The following ZDHHC2 variants were observed in gnomAD, a reference collection of about 807,000 sequenced individuals.
The protein encoded by ZDHHC2 is zDHHC palmitoyltransferase 2, also known as palmitoyltransferase ZDHHC2.
In ZDHHC2, 51 loss-of-function variants were observed where a neutral mutation model predicts 55.6. The observed-to-expected ratio is 0.92, with a 90% CI of 0.73 to 1.16. The LOEUF (loss-of-function observed/expected upper bound fraction) is 1.16. ZDHHC2 is among the 50% of genes most tolerant of loss of function. The pLI is 0.00. For synonymous variants in ZDHHC2, 199 were observed against 152.9 expected (o/e 1.30, Z -2.22); for missense variants, 491 against 442.4 (o/e 1.11, Z -0.99).
chr8:17,164,979 A>G (rs191687119), intron 1 of ZDHHC2, among the ~76,000 whole-genome samples: 207 of 152,318 alleles, frequency 1.4e-3, no homozygotes, highest in African/African-American at 4.8e-3. Context: ...AGTCCTCTCA[A>G]AGAGCTGAAT....
At chr8:17,178,925 C>G (rs1805292131) in intron 1 of ZDHHC2, among the ~76,000 whole-genome samples, 1 of 152,070 alleles carries the variant, frequency 6.6e-6, no homozygotes, top group African/African-American at 2.4e-5. Flanking sequence ...TTAGTTCAGC[C>G]TTTTTATATG....
intron 3 of ZDHHC2, among the ~76,000 whole-genome samples, chr8:17,189,090 TC>T (rs1305989263): frequency 2.7e-5 from 4 of 149,530 alleles, no homozygotes; most frequent in Non-Finnish European, 5.9e-5. Flanking sequence ...TTAACAGGTT[TC>T]TTTTTGTTGG....
At chr8:17,165,747 G>A (rs1446090642) in intron 1 of ZDHHC2, among the ~76,000 whole-genome samples, 4 of 152,190 alleles carry the variant, frequency 2.6e-5, no homozygotes, top group African/African-American at 9.7e-5. Flanking sequence ...AAAAAGTAGG[G>A]CAAGAAGGAC....
intron 7 of ZDHHC2, 44 bp from the exon 8 acceptor site, chr8:17,207,916 A>G (rs1391661887): frequency 7.2e-7 from 1 of 1,382,806 alleles, no homozygotes; most frequent in East Asian, 2.7e-5. Context: ...AGGGGAATAC[A>G]TATCCCTTTG....
chr8:17,217,217 T>C lies in ZDHHC2; in HGVS notation c.*5T>C. On this transcript the variant is annotated 3_prime_UTR_variant, in exon 12 of 13. Transcript: ENST00000262096. ...ACCATGGAAAATGAGACTTAACTCTTCAAGCAAGATAAATTCATACTTTAT... is the reference window on the plus strand; with the variant it reads ...ACCATGGAAAATGAGACTTAACTCTCCAAGCAAGATAAATTCATACTTTAT... 1.5e-5 allele frequency: 24 copies of C among 1,609,830 alleles called. No individual in the cohort carries two copies. Among genetic ancestry groups the C allele is most frequent in the Non-Finnish European group, 2.0e-5 (24 of 1,177,676 alleles).
At chr8:17,211,415 A>G (rs1055388366) in intron 10 of ZDHHC2, among the ~76,000 whole-genome samples, 39 of 152,174 alleles carry the variant, frequency 2.6e-4, no homozygotes, top group African/African-American at 9.4e-4. Flanking sequence ...GCCTGGAGTG[A>G]CCCCATAAAC....
intron 3 of ZDHHC2, among the ~76,000 whole-genome samples, chr8:17,189,487 T>C (rs1296464935): frequency 6.6e-6 from 1 of 152,212 alleles, no homozygotes; most frequent in Non-Finnish European, 1.5e-5. Context: ...GTGTCTGACC[T>C]ATAGAAGGTA....
At chr8:17,195,214 C>G (rs1210970495) in intron 3 of ZDHHC2, among the ~76,000 whole-genome samples, 1 of 152,104 alleles carries the variant, frequency 6.6e-6, no homozygotes, top group East Asian at 1.9e-4. Flanking sequence ...TGTTGGAACT[C>G]TACGGTTTAT....
chr8:17,200,173 C>T (rs1053066010), intron 6 of ZDHHC2, among the ~76,000 whole-genome samples: 9 of 152,150 alleles, frequency 5.9e-5, no homozygotes, highest in African/African-American at 2.2e-4. Context: ...GAACATCTCC[C>T]GTACCTGCTG....
intron 12 of ZDHHC2, among the ~76,000 whole-genome samples, 187 bp downstream of exon 12, chr8:17,217,433 G>A (rs1807701879): frequency 6.6e-6 from 1 of 151,976 alleles, no homozygotes; most frequent in South Asian, 2.1e-4. Context: ...AGTATTAGCT[G>A]GTATTTGTGT....
chr8:17,184,000 A>G (rs768349466), intron 1 of ZDHHC2, among the ~76,000 whole-genome samples: 2 of 152,156 alleles, frequency 1.3e-5, no homozygotes, highest in Admixed American at 6.5e-5. Flanking sequence ...GCCCTTTTGA[A>G]AAGCTGAATA....
chr8:17,168,653 T>C (rs1363283447), intron 1 of ZDHHC2, among the ~76,000 whole-genome samples: 21 of 152,132 alleles, frequency 1.4e-4, no homozygotes, highest in Admixed American at 1.4e-3. Flanking sequence ...ACCCTCATTC[T>C]TCCCTCCCCC....
At chr8:17,162,060 C>A (rs1804372936) in intron 1 of ZDHHC2, among the ~76,000 whole-genome samples, 1 of 152,052 alleles carries the variant, frequency 6.6e-6, no homozygotes, top group South Asian at 2.1e-4. Flanking sequence ...GATCCGTGCT[C>A]CCATTTTACT....
At position 17,174,705 on chromosome 8, in the gene ZDHHC2, C is replaced by CT. The variant is rs546670520; in HGVS notation, c.131-10061dup. On this transcript the variant is annotated intron_variant, in intron 1 of 12. Transcript: ENST00000262096. ...TTTTTGTGTTTGATATTGTGTTATT[C>CT]TTTTTTTTTTTTTTTTTTTTTTTGA... 1.0e-3 allele frequency among the ~76,000 whole-genome samples: 64 copies of CT among 61,908 alleles called. 1 individual carries two copies. Among genetic ancestry groups the CT allele is most frequent in the African/African-American group, 3.1e-3 (49 of 15,654 alleles). 40.6% of individuals were successfully genotyped at this position (61,908 alleles called of 152,430 possible). A position where few individuals can be genotyped will look rare whatever the true frequency, so the allele number is the denominator to read the frequency against.
Position 17,221,182 on chromosome 8 carries a change from A to G in ZDHHC2, c.*961A>G, listed in dbSNP as rs1585753623. 2 of 152,552 alleles carry G rather than the reference A, an allele frequency of 1.3e-5. No homozygotes were observed. The highest frequency in any genetic ancestry group is 4.1e-4 in the South Asian group (2 of 4,832). 9.4% of individuals were successfully genotyped at this position (152,552 alleles called of 1,614,324 possible). A position where few individuals can be genotyped will look rare whatever the true frequency, so the allele number is the denominator to read the frequency against. On this transcript the variant is annotated 3_prime_UTR_variant, in exon 13 of 13. Transcript: ENST00000262096. Reference sequence around the variant, plus strand: ...TCGTCTCATCAAAATGATGACAGGTAAACTATATTTTTCCTTAAACACCTA... The same window carrying G: ...TCGTCTCATCAAAATGATGACAGGTGAACTATATTTTTCCTTAAACACCTA...
At chr8:17,194,511 TAAC>T (rs1311374628) in intron 3 of ZDHHC2, among the ~76,000 whole-genome samples, 1 of 151,898 alleles carries the variant, frequency 6.6e-6, no homozygotes, top group Non-Finnish European at 1.5e-5. Context: ...CCTCAAAACT[TAAC>T]AACTATCCTG....
intron 1 of ZDHHC2, among the ~76,000 whole-genome samples, chr8:17,184,427 G>A (rs1273796559): frequency 2.6e-5 from 4 of 152,192 alleles, no homozygotes; most frequent in African/African-American, 4.8e-5. Context: ...AAATGCCTGC[G>A]GAAATGTAAT....
intron 1 of ZDHHC2, among the ~76,000 whole-genome samples, chr8:17,161,638 A>T (rs1459294306): frequency 1.3e-5 from 2 of 152,180 alleles, no homozygotes; most frequent in Non-Finnish European, 2.9e-5. Flanking sequence ...TGGGAGGATC[A>T]CTTGAGGTCA....
At chr8:17,215,202 A>T (rs1563171342) in intron 10 of ZDHHC2, 35 bp from the exon 11 acceptor site, 2 of 1,520,514 alleles carry the variant, frequency 1.3e-6, no homozygotes, top group Admixed American at 4.2e-5. Flanking sequence ...AAATTAGCTT[A>T]TGATGATTTT....
Sources: allele counts gnomAD v4.1 joint callset (sites outside exome capture counted in the v4.1 genomes callset), GRCh38; gene constraint gnomAD v4.1.1; transcripts MANE v1.5; gene names NCBI Gene and HGNC (gene_info 2026-07-23, HGNC 2026-07-21).